SORBS2: variants seen among roughly 807,000 people sequenced by gnomAD.
SORBS2 encodes sorbin and SH3 domain containing 2.
Under a neutral mutation model 97.7 loss-of-function variants are expected in SORBS2, and 46 were observed. That is an observed-to-expected ratio of 0.47 (90% CI 0.37 to 0.60). The LOEUF (loss-of-function observed/expected upper bound fraction) is 0.60. SORBS2 is among the 20% of genes least tolerant of loss of function. SORBS2 has a pLI of 0.00. For synonymous variants in SORBS2, 476 were observed against 473.4 expected (o/e 1.01, Z -0.07); for missense variants, 1,316 against 1,282.3 (o/e 1.03, Z -0.40).
Position 185,711,539 on chromosome 4 carries a change from G to A in SORBS2, c.-197-32717C>T, listed in dbSNP as rs115731581. ...TGTCAAAGTGCCCACAAAAACTGCA[G>A]TGTAAGTGAAGCTAATCTTTGGTGT... On this transcript the variant is annotated intron_variant, in intron 2 of 20. Transcript: ENST00000284776. Among the ~76,000 whole-genome samples, 1,521 of 152,304 alleles carry A rather than the reference G, an allele frequency of 1.0e-2. 33 individuals carry two copies. The highest frequency in any genetic ancestry group is 0.033 in the African/African-American group (1,369 of 41,564).
intron 1 of SORBS2, among the ~76,000 whole-genome samples, chr4:185,809,624 T>C (rs551375107): frequency 7.9e-5 from 12 of 152,304 alleles, no homozygotes; most frequent in Admixed American, 5.9e-4. Context: ...TCTCTGAACC[T>C]GGTTCTCAAA....
exon 3 of SORBS2, chr4:185,649,521 T>C (rs779033603): frequency 1.9e-6 from 3 of 1,604,152 alleles, no homozygotes; most frequent in South Asian, 1.1e-5. Flanking sequence ...AGGTGGAACA[T>C]GTGGGGGAGG....
At chr4:185,919,844 G>A (rs2099260139) in intron 1 of SORBS2, among the ~76,000 whole-genome samples, 1 of 152,154 alleles carries the variant, frequency 6.6e-6, no homozygotes, top group Non-Finnish European at 1.5e-5. Flanking sequence ...GCATCTCTGG[G>A]ACACCCAGCC....
chr4:185,723,419 A>G (rs1444579350), intron 2 of SORBS2, among the ~76,000 whole-genome samples: 1 of 152,232 alleles, frequency 6.6e-6, no homozygotes, highest in East Asian at 1.9e-4. Context: ...AAACCTAAGC[A>G]ATGTATTTAA....
intron 1 of SORBS2, among the ~76,000 whole-genome samples, chr4:185,891,767 A>G (rs1180751852): frequency 6.6e-6 from 1 of 152,162 alleles, no homozygotes; most frequent in Non-Finnish European, 1.5e-5. Context: ...AACTATTGCA[A>G]TGCCATAGTC....
chr4:185,943,109 G>A (rs1457628333), intron 1 of SORBS2, among the ~76,000 whole-genome samples: 1 of 152,140 alleles, frequency 6.6e-6, no homozygotes, highest in Non-Finnish European at 1.5e-5. Flanking sequence ...AAACAGATTT[G>A]GATTAATGGT....
intron 2 of SORBS2, among the ~76,000 whole-genome samples, chr4:185,746,216 G>A (rs995734968): frequency 1.3e-5 from 2 of 152,152 alleles, no homozygotes; most frequent in African/African-American, 2.4e-5. Flanking sequence ...AGTCCTCCGC[G>A]GACATCACCA....
chr4:185,846,086 A>G (rs1330660850), intron 1 of SORBS2, among the ~76,000 whole-genome samples: 1 of 152,244 alleles, frequency 6.6e-6, no homozygotes, highest in African/African-American at 2.4e-5. Flanking sequence ...GTTCATACAA[A>G]AACCTGAAAG....
At chr4:185,887,805 G>A (rs968385410) in intron 1 of SORBS2, among the ~76,000 whole-genome samples, 1 of 151,958 alleles carries the variant, frequency 6.6e-6, no homozygotes, top group Non-Finnish European at 1.5e-5. Context: ...TAAGAAGATG[G>A]GGTTGCTGAT....
chr4:185,757,470 T>C (rs1378926470), intron 2 of SORBS2: 1 of 152,476 alleles, frequency 6.6e-6, no homozygotes, highest in Non-Finnish European at 1.5e-5. Context: ...AATGTTCCTT[T>C]TTCTTGTTAA....
At chr4:185,660,356 A>G (rs1399972130), upstream of SORBS2, among the ~76,000 whole-genome samples, 1 of 152,220 alleles carries the variant, frequency 6.6e-6, no homozygotes, top group African/African-American at 2.4e-5. Flanking sequence ...GCATAGTTCC[A>G]TTTTAAACAA....
At chr4:185,600,696 C>T (rs2096241909) in intron 12 of SORBS2, among the ~76,000 whole-genome samples, 2 of 152,144 alleles carry the variant, frequency 1.3e-5, no homozygotes, top group African/African-American at 4.8e-5. Context: ...TGCTCTCAAA[C>T]CTGCCCTGCT....
intron 1 of SORBS2, among the ~76,000 whole-genome samples, chr4:185,819,431 AC>A (rs2153670109): frequency 6.6e-6 from 1 of 152,270 alleles, no homozygotes; most frequent in East Asian, 1.9e-4. Context: ...CCCACCTCCC[AC>A]CCAGCACTTC....
At chr4:185,852,292 G>A (rs1308935236) in intron 1 of SORBS2, among the ~76,000 whole-genome samples, 2 of 152,116 alleles carry the variant, frequency 1.3e-5, no homozygotes, top group Non-Finnish European at 2.9e-5. Flanking sequence ...ATAGCTTAAG[G>A]ACTAGCGCTT....
intron 1 of SORBS2, among the ~76,000 whole-genome samples, chr4:185,831,083 A>C (rs1032687107): frequency 6.9e-6 from 1 of 145,782 alleles, no homozygotes; most frequent in African/African-American, 2.4e-5. Context: ...TTATCTTCTC[A>C]AGGTTTTTCT....
Position 185,652,735 on chromosome 4 carries a change from T to C in SORBS2, c.25-7A>G, listed in dbSNP as rs1389484963. On this transcript the variant is annotated splice_polypyrimidine_tract_variant and splice_region_variant and intron_variant, in intron 1 of 14. Coordinates refer to ENST00000418609, the Ensembl canonical transcript of SORBS2. ...CCTTGGGCCGGTCGACTGTCTGTAA[T>C]GAAGAGAGCGTCCAATGGTTACAAA... is the stretch of plus-strand genomic sequence containing the variant. The C allele has an allele frequency of 6.2e-7, 1 of 1,612,432 alleles. No individual in the cohort carries two copies. The highest frequency in any genetic ancestry group is 2.2e-5 in the East Asian group (1 of 44,866).
At chr4:185,882,001 T>A (rs1035540619) in intron 1 of SORBS2, among the ~76,000 whole-genome samples, 3 of 152,228 alleles carry the variant, frequency 2.0e-5, no homozygotes, top group African/African-American at 7.2e-5. Context: ...GACACTAATA[T>A]TTCATTTGAT....
intron 11 of SORBS2, among the ~76,000 whole-genome samples, chr4:185,613,790 A>G (rs911466756): frequency 2.8e-4 from 42 of 152,158 alleles, no homozygotes; most frequent in African/African-American, 9.9e-4. Context: ...AACATGGAAC[A>G]GGAGACAGAG....
At chr4:185,614,426 C>G (rs2096597359) in intron 11 of SORBS2, among the ~76,000 whole-genome samples, 2 of 151,928 alleles carry the variant, frequency 1.3e-5, no homozygotes, top group South Asian at 2.1e-4. Flanking sequence ...AGGACCATTC[C>G]TAGATTCCAA....
Sources: gnomAD v4.1 joint callset for allele counts (sites outside exome capture counted in the v4.1 genomes callset) on GRCh38, gnomAD v4.1.1 for gene constraint, MANE v1.5 for transcripts, NCBI Gene and HGNC (gene_info 2026-07-23, HGNC 2026-07-21) for gene names.